The following ABL1 variants were observed in gnomAD, a reference collection of about 807,000 sequenced individuals.
ABL1 encodes the protein ABL proto-oncogene 1, non-receptor tyrosine kinase.
ABL1 carries 11 observed loss-of-function variants against 94.7 expected under a neutral mutation model. The observed-to-expected ratio is 0.12, with a 90% CI of 0.07 to 0.19. The LOEUF is 0.19. Ranked by LOEUF, ABL1 falls within the 10% of genes least tolerant of loss-of-function variation. ABL1 has a pLI of 1.00. For missense variants in ABL1, 1,082 were observed against 1,489.4 expected (o/e 0.73, Z 4.50); for synonymous variants, 656 against 622.4 (o/e 1.05, Z -0.80).
At chr9:130,826,697 G>A (rs1830429671) in intron 1 of ABL1, among the ~76,000 whole-genome samples, 1 of 152,124 alleles carries the variant, frequency 6.6e-6, no homozygotes, top group Non-Finnish European at 1.5e-5. Context: ...TATAAAAGGA[G>A]GGTTTAGATT....
At chr9:130,727,481 C>T (rs4740361) in intron 1 of ABL1, among the ~76,000 whole-genome samples, 43,559 of 151,758 alleles carry the variant, frequency 0.29, 9,204 homozygotes, top group African/African-American at 0.57. Context: ...GCATTTATTC[C>T]GCCGGGCGTG....
At chr9:130,734,967 T>G (rs968188937) in intron 1 of ABL1, among the ~76,000 whole-genome samples, 5 of 152,118 alleles carry the variant, frequency 3.3e-5, no homozygotes, top group African/African-American at 9.7e-5. Context: ...TTTAAAAAAT[T>G]TATACATTGT....
At chr9:130,802,736 C>T (rs1297567679) in intron 1 of ABL1, among the ~76,000 whole-genome samples, 1 of 152,186 alleles carries the variant, frequency 6.6e-6, no homozygotes, top group African/African-American at 2.4e-5. Context: ...ATTTGTCCCA[C>T]TGTCTTGCTT....
chr9:130,799,253 A>T (rs1436724139), intron 1 of ABL1, among the ~76,000 whole-genome samples: 1 of 152,232 alleles, frequency 6.6e-6, no homozygotes, highest in African/African-American at 2.4e-5. Flanking sequence ...ATTTAGGATA[A>T]GTGCAAGGTG....
chr9:130,802,620 G>GA (rs1830071064), intron 1 of ABL1, among the ~76,000 whole-genome samples: 1 of 151,994 alleles, frequency 6.6e-6, no homozygotes, highest in South Asian at 2.1e-4. Flanking sequence ...TCATTCATTG[G>GA]AAACATGCCT....
intron 1 of ABL1, among the ~76,000 whole-genome samples, chr9:130,841,936 TAGAG>T (rs35461924): frequency 7.0e-4 from 96 of 137,406 alleles, no homozygotes; most frequent in Middle Eastern, 3.7e-3. Context: ...GGGAAGGAGA[TAGAG>T]AGAGAGAGAG....
At chr9:130,736,508 G>C (rs1375341130) in intron 1 of ABL1, among the ~76,000 whole-genome samples, 1 of 151,966 alleles carries the variant, frequency 6.6e-6, no homozygotes, top group Non-Finnish European at 1.5e-5. Context: ...TTTGTTTTTT[G>C]AGACGAAGTT....
intron 1 of ABL1, among the ~76,000 whole-genome samples, chr9:130,737,678 C>A (rs1403159160): frequency 6.6e-6 from 1 of 152,054 alleles, no homozygotes; most frequent in Non-Finnish European, 1.5e-5. Flanking sequence ...TGCTGAGCAC[C>A]GAGCTGGTTC....
chr9:130,826,703 A>C (rs566814539), intron 1 of ABL1, among the ~76,000 whole-genome samples: 34 of 152,304 alleles, frequency 2.2e-4, no homozygotes, highest in African/African-American at 7.5e-4. Context: ...AGGAGGGTTT[A>C]GATTCTTCAA....
Position 130,872,010 on chromosome 9 carries a change from C to T in ABL1, c.823-119C>T. 1.2e-6 allele frequency: 1 copy of T among 810,152 alleles called. No homozygotes were observed. The highest frequency in any genetic ancestry group is 2.0e-6 in the Non-Finnish European group (1 of 509,540). 50.2% of individuals were successfully genotyped at this position (810,152 alleles called of 1,614,324 possible). A position where few individuals can be genotyped will look rare whatever the true frequency, so the allele number is the denominator to read the frequency against. ...CCTGTCTGCAGCAATGTGGCTGTCA[C>T]AAAACGCAGCCCAGGACGAGTATGC... On this transcript the variant is annotated intron_variant, in intron 4 of 10. Transcript: ENST00000318560. The surrounding 1 kb of genome is among the most constrained non-coding windows in gnomAD (Gnocchi z 5.0).
At chr9:130,817,822 G>A (rs1830308325) in intron 1 of ABL1, among the ~76,000 whole-genome samples, 1 of 152,130 alleles carries the variant, frequency 6.6e-6, no homozygotes, top group Admixed American at 6.5e-5. Flanking sequence ...GGATGTACCC[G>A]TGTATTGATC....
In ABL1 at chr9:130,756,201, G is replaced by A. The variant is rs148829750; in HGVS notation, c.136+41746G>A. Among the ~76,000 whole-genome samples the A allele has an allele frequency of 1.6e-3, 242 of 152,258 alleles. 1 individual carries two copies. Among genetic ancestry groups the A allele is most frequent in the African/African-American group, 5.6e-3 (233 of 41,554 alleles). On this transcript the variant is annotated intron_variant, in intron 1 of 10. Coordinates refer to the ABL1 transcript ENST00000372348. ...TTAGAAAGGCAGTTGACTTTGGGAG[G>A]CTTTGTTTTCTCATTTCCCTTTTCT... is the stretch of plus-strand genomic sequence containing the variant.
intron 1 of ABL1, among the ~76,000 whole-genome samples, chr9:130,747,469 A>G (rs1831902675): frequency 6.6e-6 from 1 of 152,110 alleles, no homozygotes; most frequent in Admixed American, 6.5e-5. Flanking sequence ...GCTGGAGTGC[A>G]GTGGCACAAC....
At chr9:130,762,012 G>A (rs576742003) in intron 1 of ABL1, among the ~76,000 whole-genome samples, 9 of 152,052 alleles carry the variant, frequency 5.9e-5, no homozygotes, top group Admixed American at 2.0e-4. Context: ...GCTTGCTGGC[G>A]CGTGCCTGTA....
In ABL1 at chr9:130,716,029, C is replaced by T. The variant is rs750568474; in HGVS notation, c.136+1574C>T. On this transcript the variant is annotated intron_variant, in intron 1 of 10. Coordinates refer to the ABL1 transcript ENST00000372348. The stretch of plus-strand genomic sequence containing the variant: ...TAAACAAACTAAATATATATATACA[C>T]ACACACACACACATATATATCCACT... 7.9e-3 allele frequency among the ~76,000 whole-genome samples: 1,173 copies of T among 148,698 alleles called. 15 individuals carry two copies. The highest frequency in any genetic ancestry group is 0.027 in the African/African-American group (1,087 of 40,748).
intron 3 of ABL1, among the ~76,000 whole-genome samples, chr9:130,859,528 G>A (rs1275005104): frequency 6.6e-6 from 1 of 151,962 alleles, no homozygotes; most frequent in Non-Finnish European, 1.5e-5. Flanking sequence ...AGCTCTCGGG[G>A]GAACTTGCTT....
intron 1 of ABL1, among the ~76,000 whole-genome samples, chr9:130,763,722 G>A (rs1187888560): frequency 6.6e-6 from 1 of 152,196 alleles, no homozygotes; most frequent in Non-Finnish European, 1.5e-5. Flanking sequence ...CCCAGAGCAA[G>A]TAATCCAAGA....
At chr9:130,818,988 A>C (rs1251845982) in intron 1 of ABL1, among the ~76,000 whole-genome samples, 1 of 151,980 alleles carries the variant, frequency 6.6e-6, no homozygotes, top group Admixed American at 6.6e-5. Flanking sequence ...TGGCCTTTGC[A>C]GTTCTTTCAG....
At chr9:130,839,911 C>T (rs1423363599) in intron 1 of ABL1, among the ~76,000 whole-genome samples, 2 of 152,136 alleles carry the variant, frequency 1.3e-5, no homozygotes, top group African/African-American at 4.8e-5. Flanking sequence ...CAGTCTGGAC[C>T]CAAATGCCAC....
Sources: allele counts gnomAD v4.1 joint callset (sites outside exome capture counted in the v4.1 genomes callset), GRCh38; gene constraint gnomAD v4.1.1; non-coding constraint Gnocchi (gnomAD v3.1); transcripts MANE v1.5; gene names NCBI Gene and HGNC (gene_info 2026-07-23, HGNC 2026-07-21).